The following TSHZ3 variants were observed in gnomAD, a reference collection of about 807,000 sequenced individuals.
The protein encoded by TSHZ3 is teashirt homolog 3.
In TSHZ3, 10 loss-of-function variants were observed where a neutral mutation model predicts 64.5. That is an observed-to-expected ratio of 0.16 (90% CI 0.10 to 0.26). TSHZ3 has a LOEUF of 0.26. Among genes scored for constraint, TSHZ3 ranks in the 10% least tolerant of loss-of-function variants. The pLI, the probability that TSHZ3 is intolerant of heterozygous loss-of-function variation, is 1.00. For missense variants in TSHZ3, 1,242 were observed against 1,421.7 expected, an observed-to-expected ratio of 0.87 and a Z score of 2.03; for synonymous variants, 608 against 593.1, an observed-to-expected ratio of 1.03 and a Z score of -0.36.
chr19:31,253,496 G>A (rs548274361), intron 1 of TSHZ3, among the ~76,000 whole-genome samples: 83 of 152,312 alleles, frequency 5.4e-4, no homozygotes, highest in Non-Finnish European at 1.0e-3. Context: ...AGAAAACCAA[G>A]TCTCCAACAA....
intron 1 of TSHZ3, among the ~76,000 whole-genome samples, chr19:31,255,831 C>T (rs1057461285): frequency 6.6e-6 from 1 of 152,142 alleles, no homozygotes; most frequent in African/African-American, 2.4e-5. Flanking sequence ...GTAAGCCCCC[C>T]CTTACTCAGT....
chr19:31,243,928 A>G (rs950593482), intron 1 of TSHZ3, among the ~76,000 whole-genome samples: 1 of 152,162 alleles, frequency 6.6e-6, no homozygotes, highest in African/African-American at 2.4e-5. Flanking sequence ...GAGGGTGGTT[A>G]TCAGCAAGGC....
chr19:31,340,669 T>TG (rs1917406914), intron 1 of TSHZ3, among the ~76,000 whole-genome samples: 1 of 152,182 alleles, frequency 6.6e-6, no homozygotes. Context: ...CTCAGACCTT[T>TG]TATCATCATC....
intron 1 of TSHZ3, among the ~76,000 whole-genome samples, chr19:31,348,498 G>C (rs566746839): frequency 6.7e-6 from 1 of 149,250 alleles, no homozygotes; most frequent in South Asian, 2.2e-4. Flanking sequence ...GAACAAAAAA[G>C]TACTCAGACA....
chr19:31,261,441 A>G (rs1456996915), intron 1 of TSHZ3, among the ~76,000 whole-genome samples: 1 of 152,236 alleles, frequency 6.6e-6, no homozygotes, highest in African/African-American at 2.4e-5. Flanking sequence ...CCAAGGAAGG[A>G]ATAAAGAAGT....
intron 5 of TSHZ3, among the ~76,000 whole-genome samples, chr19:31,193,152 C>T (rs1343476451): frequency 6.6e-6 from 1 of 151,948 alleles, no homozygotes; most frequent in Admixed American, 6.6e-5. Flanking sequence ...CCTGCTCTGC[C>T]TTTTTTTTCT....
At chr19:31,342,892 G>A (rs562048926) in intron 1 of TSHZ3, among the ~76,000 whole-genome samples, 4 of 152,300 alleles carry the variant, frequency 2.6e-5, no homozygotes, top group Admixed American at 6.5e-5. Flanking sequence ...TCCAAAACCT[G>A]GCTAACATTA....
intron 5 of TSHZ3, among the ~76,000 whole-genome samples, chr19:31,171,557 A>G (rs527567330): frequency 4.6e-5 from 7 of 152,196 alleles, no homozygotes; most frequent in African/African-American, 1.7e-4. Context: ...TCATACAAAG[A>G]TAAATTTCAA....
rs1484393602 is a variant in TSHZ3, at chr19:31,278,110, C to T, written c.1683G>A (p.Lys561=). The part of the protein sequence containing the change: ...HAAYQLPNMM[K]LSLGSSGKST... ...TCTTCCCCGACGAGCCCAGGGACAA[C>T]TTCATCATGTTGGGAAGTTGGTAGG... The change falls in exon 2 of 2, where the codon AAG becomes AAA. Residue 561 remains lysine (K), a synonymous_variant. Coordinates refer to ENST00000240587, the MANE Select transcript of TSHZ3 (RefSeq NM_020856.4). The surrounding 1 kb of genome is among the most constrained non-coding windows in gnomAD (Gnocchi z 4.7). 3 of 1,613,800 alleles carry T rather than the reference C, an allele frequency of 1.9e-6. No individual in the cohort carries two copies. In the African/African-American group the frequency reaches 4.0e-5, roughly 22 times the overall value.
intron 1 of TSHZ3, among the ~76,000 whole-genome samples, chr19:31,250,162 TA>T (rs1254692930): frequency 6.6e-6 from 1 of 152,250 alleles, no homozygotes; most frequent in African/African-American, 2.4e-5. Flanking sequence ...TAAGTCCTCT[TA>T]AAAATATATC....
At chr19:31,314,103 G>A (rs945512285) in intron 1 of TSHZ3, among the ~76,000 whole-genome samples, 12 of 152,148 alleles carry the variant, frequency 7.9e-5, no homozygotes, top group African/African-American at 2.9e-4. Context: ...AAGATGCTTG[G>A]TGGATGATGA....
At chr19:31,343,737 A>C (rs992477959) in intron 1 of TSHZ3, among the ~76,000 whole-genome samples, 4 of 151,910 alleles carry the variant, frequency 2.6e-5, no homozygotes, top group Non-Finnish European at 5.9e-5. Flanking sequence ...AATTAAGAAA[A>C]GCTACCAAGT....
At chr19:31,219,625 T>A (rs1463875448) in intron 4 of TSHZ3, among the ~76,000 whole-genome samples, 1 of 151,986 alleles carries the variant, frequency 6.6e-6, no homozygotes, top group African/African-American at 2.4e-5. Flanking sequence ...ACTGAATTTT[T>A]AATTTTATTT....
At chr19:31,283,428 C>T (rs940388003) in intron 1 of TSHZ3, among the ~76,000 whole-genome samples, 2 of 152,336 alleles carry the variant, frequency 1.3e-5, no homozygotes, top group African/African-American at 4.8e-5. Context: ...CTCTTGATTA[C>T]TGAACTTTAA....
At chr19:31,204,541 T>G (rs1975137468) in intron 5 of TSHZ3, among the ~76,000 whole-genome samples, 1 of 152,230 alleles carries the variant, frequency 6.6e-6, no homozygotes, top group Non-Finnish European at 1.5e-5. Flanking sequence ...ATTTCATTAC[T>G]GCTTGTACCT....
chr19:31,332,920 A>T (rs553246211), intron 1 of TSHZ3, among the ~76,000 whole-genome samples: 12 of 152,076 alleles, frequency 7.9e-5, no homozygotes, highest in Admixed American at 7.9e-4. Flanking sequence ...AGCCTAGGCA[A>T]CATGGCAAAA....
intron 4 of TSHZ3, among the ~76,000 whole-genome samples, chr19:31,207,207 G>A (rs191450280): frequency 6.6e-6 from 1 of 152,214 alleles, no homozygotes; most frequent in Admixed American, 6.5e-5. Flanking sequence ...AAGTACAAAA[G>A]TCTATTCCTG....
intron 3 of TSHZ3, among the ~76,000 whole-genome samples, chr19:31,238,492 G>A (rs545624823): frequency 1.3e-5 from 2 of 152,160 alleles, no homozygotes; most frequent in South Asian, 2.1e-4. Flanking sequence ...CTGACCTCGA[G>A]TGATCTGCCT....
chr19:31,233,210 A>G (rs1975563790), intron 3 of TSHZ3, among the ~76,000 whole-genome samples: 1 of 152,184 alleles, frequency 6.6e-6, no homozygotes. Flanking sequence ...TGAAAGTTCC[A>G]GTTGCTCAAC....
Sources: allele counts gnomAD v4.1 joint callset (sites outside exome capture counted in the v4.1 genomes callset), GRCh38; gene constraint gnomAD v4.1.1; non-coding constraint Gnocchi (gnomAD v3.1); transcripts MANE v1.5; gene names NCBI Gene and HGNC (gene_info 2026-07-23, HGNC 2026-07-21).